CDH4: variants seen among roughly 807,000 people sequenced by gnomAD.
CDH4 encodes cadherin-4.
Under a neutral mutation model 86.0 loss-of-function variants are expected in CDH4, and 33 were observed. That is an observed-to-expected ratio of 0.38 (90% CI 0.29 to 0.51). The LOEUF (loss-of-function observed/expected upper bound fraction) is 0.51. Among genes scored for constraint, CDH4 ranks in the 20% least tolerant of loss-of-function variants. CDH4 has a pLI of 0.86. For missense variants in CDH4, 1,114 were observed against 1,307.4 expected (o/e 0.85, Z 2.28); for synonymous variants, 555 against 549.4 (o/e 1.01, Z -0.14).
intron 2 of CDH4, among the ~76,000 whole-genome samples, chr20:61,500,696 A>G (rs939340380): frequency 1.3e-5 from 2 of 152,224 alleles, no homozygotes; most frequent in Non-Finnish European, 2.9e-5. Context: ...GGGAAGAGGA[A>G]CTGTCTCTGC....
Position 61,328,961 on chromosome 20 carries a change from C to T in CDH4, c.169+74024C>T, listed in dbSNP as rs4423660. Among the ~76,000 whole-genome samples the T allele has an allele frequency of 4.3e-3, 657 of 152,304 alleles. 1 individual carries two copies. The highest frequency in any genetic ancestry group is 0.01 in the South Asian group (50 of 4,824). ...TAGCTAGTTGAAAATGCACTTAATA[C>T]ACCTCACATGCTGAGCATCATGGCT... On this transcript the variant is annotated intron_variant, in intron 2 of 15. Coordinates refer to ENST00000614565, the MANE Select transcript of CDH4 (RefSeq NM_001794.5).
intron 8 of CDH4, among the ~76,000 whole-genome samples, chr20:61,897,283 G>A (rs908055884): frequency 6.6e-6 from 1 of 151,768 alleles, no homozygotes. Flanking sequence ...CTCGTCTCTG[G>A]TCCCCATCCC....
chr20:61,877,724 T>C (rs545482254), intron 7 of CDH4, among the ~76,000 whole-genome samples: 4 of 152,278 alleles, frequency 2.6e-5, no homozygotes, highest in African/African-American at 4.8e-5. Flanking sequence ...GATCAGTTTC[T>C]GTCTTGTGCG....
At chr20:61,802,056 C>T (rs897667692) in intron 4 of CDH4, among the ~76,000 whole-genome samples, 17 of 152,364 alleles carry the variant, frequency 1.1e-4, no homozygotes, top group Middle Eastern at 3.4e-3. Context: ...TCAATCAGGT[C>T]TGGTCTCTGC....
chr20:61,640,504 T>A (rs2086995014), intron 2 of CDH4, among the ~76,000 whole-genome samples: 1 of 151,884 alleles, frequency 6.6e-6, no homozygotes, highest in South Asian at 2.1e-4. Context: ...TCAGGGGGAT[T>A]GGAGGAGGGT....
intron 4 of CDH4, among the ~76,000 whole-genome samples, chr20:61,836,200 C>G (rs1018230358): frequency 2.1e-4 from 32 of 152,220 alleles, no homozygotes; most frequent in African/African-American, 7.5e-4. Flanking sequence ...TTCCCAGGAC[C>G]ACTTACCATG....
chr20:61,259,949 A>G (rs909115054), intron 2 of CDH4, among the ~76,000 whole-genome samples: 1 of 152,210 alleles, frequency 6.6e-6, no homozygotes, highest in Non-Finnish European at 1.5e-5. Context: ...GAGGGAAAGC[A>G]GCCATTTTGT....
chr20:61,298,132 A>G (rs1051827970), intron 2 of CDH4, among the ~76,000 whole-genome samples: 2 of 152,108 alleles, frequency 1.3e-5, no homozygotes, highest in African/African-American at 4.8e-5. Context: ...GGAGTAAGTG[A>G]AGAGTGCGAT....
intron 2 of CDH4, among the ~76,000 whole-genome samples, chr20:61,265,300 A>G (rs1050285028): frequency 2.0e-5 from 3 of 148,282 alleles, no homozygotes; most frequent in Non-Finnish European, 4.4e-5. Context: ...TCCTTCATTC[A>G]ATCTTACACA....
Position 61,708,675 on chromosome 20 carries a change from G to A in CDH4, c.170-34888G>A, listed in dbSNP as rs1305658235. Among the ~76,000 whole-genome samples the A allele has an allele frequency of 6.6e-6, 1 of 152,148 alleles. No homozygotes were observed. Among genetic ancestry groups the A allele is most frequent in the Non-Finnish European group, 1.5e-5 (1 of 68,032 alleles). The stretch of plus-strand genomic sequence containing the variant: ...CACCCCACCCCTTCCCATCCTTGGG[G>A]CTCAGAGAAATGCTGCCTTCTCCGG... On this transcript the variant is annotated intron_variant, in intron 2 of 15. Coordinates refer to ENST00000614565, the MANE Select transcript of CDH4 (RefSeq NM_001794.5). The surrounding 1 kb of genome is among the most constrained non-coding windows in gnomAD (Gnocchi z 4.5).
At chr20:61,704,670 G>T (rs986439960) in intron 2 of CDH4, among the ~76,000 whole-genome samples, 3 of 152,194 alleles carry the variant, frequency 2.0e-5, no homozygotes, top group South Asian at 4.1e-4. Flanking sequence ...CCAAACATCT[G>T]GGCTTTTTTA....
intron 2 of CDH4, among the ~76,000 whole-genome samples, chr20:61,656,584 C>T (rs765657470): frequency 2.6e-5 from 4 of 152,110 alleles, no homozygotes; most frequent in African/African-American, 7.2e-5. Flanking sequence ...CAGTGTGCGT[C>T]GTCAGGCTTC....
intron 2 of CDH4, among the ~76,000 whole-genome samples, chr20:61,530,119 G>T (rs188651121): frequency 6.6e-6 from 1 of 152,006 alleles, no homozygotes; most frequent in Non-Finnish European, 1.5e-5. Flanking sequence ...TACAACCTCC[G>T]CCTCCCAGGT....
chr20:61,928,551 A>G (rs1311572557), intron 12 of CDH4, 128 bp downstream of exon 12: 5 of 764,988 alleles, frequency 6.5e-6, no homozygotes, highest in African/African-American at 1.7e-5. Context: ...CTGTCCCACC[A>G]AGGCTGGGGA....
chr20:61,417,183 G>T lies in CDH4; in HGVS notation c.169+162246G>T, dbSNP rs1484996560. On this transcript the variant is annotated intron_variant, in intron 2 of 15. Coordinates refer to ENST00000614565, the MANE Select transcript of CDH4 (RefSeq NM_001794.5). The surrounding 1 kb of genome is among the most constrained non-coding windows in gnomAD (Gnocchi z 4.0). ...TCTTCAGAAAAGGACTCTGTTGGGG[G>T]CATGCAGTCCTGGTCTCCAAGAGAC... is the stretch of plus-strand genomic sequence containing the variant. Among the ~76,000 whole-genome samples, 2 of 152,100 alleles carry T rather than the reference G, an allele frequency of 1.3e-5. No individual in the cohort carries two copies. The highest frequency in any genetic ancestry group is 2.9e-5 in the Non-Finnish European group (2 of 68,028).
At chr20:61,756,163 G>A (rs187150596) in intron 3 of CDH4, among the ~76,000 whole-genome samples, 12 of 152,312 alleles carry the variant, frequency 7.9e-5, no homozygotes, top group Admixed American at 2.6e-4. Context: ...TAGCGTGAAC[G>A]CACCCCCTGG....
chr20:61,534,665 CTTTTTTT>C (rs34309371), intron 2 of CDH4, among the ~76,000 whole-genome samples: 1 of 76,066 alleles, frequency 1.3e-5, no homozygotes, highest in African/African-American at 1.1e-4. Flanking sequence ...TTCTTTCTTT[CTTTTTTT>C]TTTTTTTTTT....
At chr20:61,363,739 A>C (rs76834075) in intron 2 of CDH4, among the ~76,000 whole-genome samples, 6,064 of 152,288 alleles carry the variant, frequency 0.04, 156 homozygotes, top group Middle Eastern at 0.071. Context: ...GGTAGTCAAG[A>C]AAGGTCAAAT....
intron 2 of CDH4, among the ~76,000 whole-genome samples, chr20:61,721,060 C>T (rs2088035565): frequency 6.6e-6 from 1 of 152,186 alleles, no homozygotes; most frequent in Non-Finnish European, 1.5e-5. Context: ...CCCGAGGTAG[C>T]TTGCCACTCT....
Sources: gnomAD v4.1 joint callset for allele counts (sites outside exome capture counted in the v4.1 genomes callset) on GRCh38, gnomAD v4.1.1 for gene constraint, Gnocchi (gnomAD v3.1) non-coding constraint, MANE v1.5 for transcripts, NCBI Gene and HGNC (gene_info 2026-07-23, HGNC 2026-07-21) for gene names.